Variants in SSBP2 observed in about 807,000 individuals in gnomAD.
The protein encoded by SSBP2 is single stranded DNA binding protein 2.
In SSBP2, 17 loss-of-function variants were observed where a neutral mutation model predicts 61.8. The observed-to-expected ratio is 0.28, with a 90% confidence interval of 0.19 to 0.41. The LOEUF is 0.41. Among genes scored for constraint, SSBP2 ranks in the 10% least tolerant of loss-of-function variants. SSBP2 has a pLI of 1.00. For synonymous variants in SSBP2, 139 were observed against 141.3 expected (o/e 0.98, Z 0.12); for missense variants, 310 against 458.7 (o/e 0.68, Z 2.96).
intron 4 of SSBP2, among the ~76,000 whole-genome samples, chr5:81,595,536 C>A (rs1743644419): frequency 6.6e-6 from 1 of 151,946 alleles, no homozygotes; most frequent in Non-Finnish European, 1.5e-5. Flanking sequence ...GAGACACAAC[C>A]AAAAAAGAGA....
At chr5:81,735,455 C>T (rs1756534003) in intron 1 of SSBP2, among the ~76,000 whole-genome samples, 1 of 152,196 alleles carries the variant, frequency 6.6e-6, no homozygotes, top group Non-Finnish European at 1.5e-5. Flanking sequence ...GTAGCATTTG[C>T]ATATAACCTA....
chr5:81,440,469 T>C lies in SSBP2; in HGVS notation c.928+89A>G, dbSNP rs896994456. 5 of 1,067,260 alleles carry C rather than the reference T, an allele frequency of 4.7e-6. No individual in the cohort carries two copies. The Admixed American group carries it at 1.1e-4, about 23-fold the overall frequency. 66.1% of individuals were successfully genotyped at this position (1,067,260 alleles called of 1,614,324 possible). A position where few individuals can be genotyped will look rare whatever the true frequency, so the allele number is the denominator to read the frequency against. ...GTATTTAAAAATGAGTAGCTGGCTA[T>C]GGAAGAACTTTGGAAACTGTAATAT... On this transcript the variant is annotated intron_variant, in intron 14 of 16. Coordinates refer to ENST00000320672, the MANE Select transcript of SSBP2 (RefSeq NM_012446.5).
intron 5 of SSBP2, among the ~76,000 whole-genome samples, chr5:81,510,676 G>A (rs1027246485): frequency 4.6e-5 from 7 of 151,818 alleles, no homozygotes; most frequent in East Asian, 1.9e-4. Context: ...CAGGAGACTC[G>A]CTTGAACCCA....
chr5:81,549,010 T>A (rs1157006783), intron 4 of SSBP2, among the ~76,000 whole-genome samples: 1 of 152,200 alleles, frequency 6.6e-6, no homozygotes, highest in Non-Finnish European at 1.5e-5. Context: ...TTATTTTATC[T>A]AAGAAAGAAG....
chr5:81,429,323 A>G (rs1448296552), intron 15 of SSBP2, among the ~76,000 whole-genome samples: 1 of 152,170 alleles, frequency 6.6e-6, no homozygotes, highest in African/African-American at 2.4e-5. Context: ...TTAAGAGTAG[A>G]TTTACTTTGG....
chr5:81,616,646 G>A (rs1746080188), intron 3 of SSBP2: 2 of 140,844 alleles, frequency 1.4e-5, no homozygotes, highest in South Asian at 2.4e-4. Flanking sequence ...ACCTCTGGGG[G>A]CAGGGCACAG....
chr5:81,607,435 C>G (rs1744993271), intron 4 of SSBP2, among the ~76,000 whole-genome samples: 1 of 152,122 alleles, frequency 6.6e-6, no homozygotes, highest in Admixed American at 6.5e-5. Flanking sequence ...GTACAAACCA[C>G]TAGGCTATCA....
At chr5:81,427,586 A>G (rs1417044773) in intron 16 of SSBP2, among the ~76,000 whole-genome samples, 1 of 152,152 alleles carries the variant, frequency 6.6e-6, no homozygotes, top group East Asian at 1.9e-4. Flanking sequence ...TCAAATTCTG[A>G]TGGTATCACC....
At chr5:81,594,045 G>C (rs576098536) in intron 4 of SSBP2, among the ~76,000 whole-genome samples, 1 of 151,586 alleles carries the variant, frequency 6.6e-6, no homozygotes, top group East Asian at 1.9e-4. Flanking sequence ...ACACAGACTG[G>C]CAAATTGGAT....
chr5:81,659,943 G>A (rs1297009525), intron 1 of SSBP2, among the ~76,000 whole-genome samples: 1 of 151,876 alleles, frequency 6.6e-6, no homozygotes, highest in African/African-American at 2.4e-5. Flanking sequence ...GATAAAAATG[G>A]TGCTGGAAAA....
chr5:81,682,076 G>A (rs1377489724), intron 1 of SSBP2, among the ~76,000 whole-genome samples: 1 of 152,122 alleles, frequency 6.6e-6, no homozygotes, highest in Non-Finnish European at 1.5e-5. Context: ...AATTAATAAT[G>A]TTCCAAAAGA....
At chr5:81,554,484 G>T (rs1037153887) in intron 4 of SSBP2, among the ~76,000 whole-genome samples, 1 of 150,240 alleles carries the variant, frequency 6.7e-6, no homozygotes, top group Non-Finnish European at 1.5e-5. Flanking sequence ...TAACACAAAG[G>T]CTCAAATTTT....
chr5:81,601,624 A>C (rs1744370082), intron 4 of SSBP2, among the ~76,000 whole-genome samples: 1 of 152,228 alleles, frequency 6.6e-6, no homozygotes, highest in African/African-American at 2.4e-5. Flanking sequence ...ATCTCAAAGT[A>C]AAAAGTTTAA....
At chr5:81,715,170 AGG>A (rs1755092088) in intron 1 of SSBP2, among the ~76,000 whole-genome samples, 1 of 152,166 alleles carries the variant, frequency 6.6e-6, no homozygotes, top group Non-Finnish European at 1.5e-5. Context: ...CTGGGGAGAC[AGG>A]GGGAGAGACA....
At position 81,416,020 on chromosome 5, in the gene SSBP2, C is replaced by T. The variant is rs1761299040; in HGVS notation, c.*4484G>A. On this transcript the variant is annotated 3_prime_UTR_variant, in exon 17 of 17. Transcript: ENST00000320672. ...GGCAGATCACTTGAGGTCAGGAGTT[C>T]CAGACCAGCCTGGCCAACATGGTGA... 1 of 151,282 alleles carries T rather than the reference C, an allele frequency of 6.6e-6. No individual in the cohort carries two copies. The highest frequency in any genetic ancestry group is 6.6e-5 in the Admixed American group (1 of 15,174). 9.4% of individuals were successfully genotyped at this position (151,282 alleles called of 1,614,324 possible).
At chr5:81,669,294 CA>C (rs1370470412) in intron 1 of SSBP2, among the ~76,000 whole-genome samples, 2 of 152,160 alleles carry the variant, frequency 1.3e-5, no homozygotes, top group African/African-American at 4.8e-5. Context: ...CAAAGCTAAA[CA>C]TACTCTTATC....
chr5:81,568,643 T>C (rs1347937074), intron 4 of SSBP2, among the ~76,000 whole-genome samples: 1 of 152,228 alleles, frequency 6.6e-6, no homozygotes, highest in Non-Finnish European at 1.5e-5. Flanking sequence ...GTAGCTGTCA[T>C]TGTACAAATA....
intron 15 of SSBP2, among the ~76,000 whole-genome samples, chr5:81,430,657 A>G (rs538201591): frequency 2.0e-5 from 3 of 152,256 alleles, no homozygotes; most frequent in South Asian, 2.1e-4. Context: ...AAATACTTCC[A>G]GTGTTATTAT....
rs556106100 is a variant in SSBP2 at position 81,439,240 on chromosome 5, A to G, written c.928+1318T>C. ...AGATGAACCCTTTCCAAAAGAAAAA[A>G]AAAATCATAACTCCCATCCCCATTG... is the stretch of plus-strand genomic sequence containing the variant. On this transcript the variant is annotated intron_variant, in intron 14 of 16. Transcript: ENST00000320672. Among the ~76,000 whole-genome samples, 249 of 152,298 alleles carry G rather than the reference A, an allele frequency of 1.6e-3. 3 individuals carry two copies. Among genetic ancestry groups the G allele is most frequent in the African/African-American group, 5.8e-3 (241 of 41,572 alleles).
Sources: gnomAD v4.1 joint callset for allele counts (sites outside exome capture counted in the v4.1 genomes callset) on GRCh38, gnomAD v4.1.1 for gene constraint, MANE v1.5 for transcripts, NCBI Gene and HGNC (gene_info 2026-07-23, HGNC 2026-07-21) for gene names.